Variants in GNAQ observed in about 807,000 individuals in gnomAD.
The protein encoded by GNAQ is G protein subunit alpha q, also known as guanine nucleotide-binding protein G(q) subunit alpha.
A neutral mutation model predicts 43.9 loss-of-function variants in GNAQ; 8 were observed. The ratio of observed to expected loss-of-function variants is 0.18; its 90% CI spans 0.11 to 0.33. The LOEUF (loss-of-function observed/expected upper bound fraction) is 0.33, where lower values mean the gene tolerates loss of function less well. Among genes scored for constraint, GNAQ ranks in the 10% least tolerant of loss-of-function variants. The probability of loss-of-function intolerance (pLI) is 1.00; values close to 1 mark genes in which losing one functional copy is unlikely to be tolerated. For missense variants in GNAQ, 158 were observed against 450.8 expected (o/e 0.35, Z 5.88); for synonymous variants, 155 against 170.7 (o/e 0.91, Z 0.71).
chr9:77,950,979 T>C (rs1448836503), intron 1 of GNAQ, among the ~76,000 whole-genome samples: 1 of 152,044 alleles, frequency 6.6e-6, no homozygotes, highest in Non-Finnish European at 1.5e-5. Context: ...CTACATTCTT[T>C]AGATAAGATT....
intron 1 of GNAQ, among the ~76,000 whole-genome samples, chr9:77,977,485 A>T (rs987332056): frequency 6.6e-6 from 1 of 152,168 alleles, no homozygotes; most frequent in Non-Finnish European, 1.5e-5. Context: ...CCATTGTTCA[A>T]CCCACAGGCA....
intron 1 of GNAQ, among the ~76,000 whole-genome samples, chr9:77,941,907 T>TACACACACACACACAC (rs10560776): frequency 5.0e-5 from 7 of 141,100 alleles, no homozygotes; most frequent in Admixed American, 2.1e-4. Flanking sequence ...ACAACATACA[T>TACACACACACACACAC]ACACACACAC....
rs80115594 is a variant in GNAQ at position 78,015,279 on chromosome 9, G to A, written c.136+15821C>T. ...AGGCTTTACCACATAGCCTATATGT[G>A]TGTTGTAGGCTATACAATCTAGATT... On this transcript the variant is annotated intron_variant, in intron 1 of 6. Transcript: ENST00000286548. Among the ~76,000 whole-genome samples, 532 of 152,278 alleles carry A rather than the reference G, an allele frequency of 3.5e-3. 2 individuals are homozygous for A. The highest frequency in any genetic ancestry group is 0.012 in the African/African-American group (513 of 41,548).
In GNAQ at chr9:77,717,635, C is replaced by T. The variant is rs1241843814; in HGVS notation, c.*3688G>A. 33 of 232,028 alleles carry T rather than the reference C, an allele frequency of 1.4e-4. No homozygotes were observed. Among genetic ancestry groups the T allele is most frequent in the East Asian group, 1.2e-3 (19 of 16,376 alleles). The allele number at this position is 232,028 out of a possible 1,614,324, so 14.4% of individuals were successfully genotyped here. On this transcript the variant is annotated 3_prime_UTR_variant, in exon 7 of 7. Coordinates refer to ENST00000286548, the MANE Select transcript of GNAQ (RefSeq NM_002072.5). Reference sequence around the variant, plus strand: ...CAGTATAAATTTTAAAATTACAGTTCGTACACTTTGACAATCAAGATAGTC... The same window carrying T: ...CAGTATAAATTTTAAAATTACAGTTTGTACACTTTGACAATCAAGATAGTC...
At chr9:77,881,461 C>T (rs1443210924) in intron 2 of GNAQ, among the ~76,000 whole-genome samples, 1 of 152,228 alleles carries the variant, frequency 6.6e-6, no homozygotes, top group Non-Finnish European at 1.5e-5. Context: ...TCACTGCAGC[C>T]TTGAACTCCT....
chr9:77,968,712 T>A (rs1329656302), intron 1 of GNAQ, among the ~76,000 whole-genome samples: 2 of 152,192 alleles, frequency 1.3e-5, no homozygotes, highest in African/African-American at 4.8e-5. Flanking sequence ...CCAAATTAAT[T>A]TTCGTAAGTG....
chr9:77,870,616 C>T (rs1182325459), intron 2 of GNAQ, among the ~76,000 whole-genome samples: 3 of 151,912 alleles, frequency 2.0e-5, no homozygotes, highest in East Asian at 1.9e-4. Context: ...TGAGCCACCG[C>T]GCCCCGCCTT....
chr9:77,718,713 ATGT>A lies in GNAQ; in HGVS notation c.*2607_*2609del, dbSNP rs1392813796. On this transcript the variant is annotated 3_prime_UTR_variant, in exon 7 of 7. Transcript: ENST00000286548. ...CTCTATACACACTGTAGGCCTTCAAATGTTGTTGTTTAATTTTTTTTTTTTTTT... is the reference window on the plus strand; with the variant it reads ...CTCTATACACACTGTAGGCCTTCAAATGTTGTTTAATTTTTTTTTTTTTTT... 11 of 176,168 alleles carry A rather than the reference ATGT, an allele frequency of 6.2e-5. No individual in the cohort carries two copies. The highest frequency in any genetic ancestry group is 1.9e-3 in the Middle Eastern group (1 of 528). 10.9% of individuals were successfully genotyped at this position (176,168 alleles called of 1,614,324 possible).
chr9:77,763,856 G>A (rs1826093354), intron 5 of GNAQ, among the ~76,000 whole-genome samples: 1 of 152,208 alleles, frequency 6.6e-6, no homozygotes, highest in Non-Finnish European at 1.5e-5. Flanking sequence ...AGCATGGCAA[G>A]CTGCTCTAGG....
At chr9:77,748,474 C>T (rs1041116262) in intron 5 of GNAQ, among the ~76,000 whole-genome samples, 1 of 152,230 alleles carries the variant, frequency 6.6e-6, no homozygotes, top group Non-Finnish European at 1.5e-5. Flanking sequence ...CTTTGTAGAG[C>T]TTGATGCCTT....
chr9:77,986,109 A>T (rs1048759409), intron 1 of GNAQ, among the ~76,000 whole-genome samples: 3 of 152,064 alleles, frequency 2.0e-5, no homozygotes, highest in Non-Finnish European at 4.4e-5. Flanking sequence ...CCACATCAAT[A>T]TTTGTTTATT....
In GNAQ at chr9:77,716,663, G is replaced by GT. The variant is rs1184753929; in HGVS notation, c.*4659dup. The GT allele has an allele frequency of 8.6e-6, 2 of 232,672 alleles. No individual in the cohort carries two copies. Among genetic ancestry groups the GT allele is most frequent in the African/African-American group, 4.4e-5 (2 of 45,292 alleles). 14.4% of individuals were successfully genotyped at this position (232,672 alleles called of 1,614,324 possible). ...ATGTTCTACCAACGAATACCTTTCT[G>GT]TTTTTTCTGTCTACCAAAAGCTTAT... On this transcript the variant is annotated 3_prime_UTR_variant, in exon 7 of 7. Transcript: ENST00000286548.
chr9:77,958,898 T>C (rs1478365049), intron 1 of GNAQ, among the ~76,000 whole-genome samples: 1 of 152,182 alleles, frequency 6.6e-6, no homozygotes, highest in Non-Finnish European at 1.5e-5. Flanking sequence ...CTCAATTCTT[T>C]CATGATTTTC....
intron 5 of GNAQ, among the ~76,000 whole-genome samples, chr9:77,761,223 G>A: frequency 6.9e-6 from 1 of 144,412 alleles, no homozygotes; most frequent in Admixed American, 6.7e-5. Flanking sequence ...GCCCCTACTG[G>A]GAAGTGAGGA....
chr9:78,004,101 C>T (rs186944566), intron 1 of GNAQ, among the ~76,000 whole-genome samples: 13 of 151,896 alleles, frequency 8.6e-5, no homozygotes, highest in Admixed American at 8.5e-4. Flanking sequence ...CAGGTATCTG[C>T]ACCTCGCTGC....
intron 5 of GNAQ, among the ~76,000 whole-genome samples, chr9:77,778,639 G>C (rs1350310320): frequency 6.6e-6 from 1 of 151,494 alleles, no homozygotes; most frequent in Non-Finnish European, 1.5e-5. Context: ...AGACAGAGAT[G>C]GCCAGAATGG....
intron 3 of GNAQ, among the ~76,000 whole-genome samples, chr9:77,799,209 T>A (rs186772924): frequency 6.6e-6 from 1 of 152,136 alleles, no homozygotes; most frequent in African/African-American, 2.4e-5. Flanking sequence ...ACAAAGTATA[T>A]GCACAAAGTA....
At chr9:77,907,665 C>G (rs911176077) in intron 2 of GNAQ, among the ~76,000 whole-genome samples, 6 of 152,108 alleles carry the variant, frequency 3.9e-5, no homozygotes, top group Non-Finnish European at 8.8e-5. Context: ...AAGGAGAAAT[C>G]AAATAGGTGG....
chr9:78,003,093 A>C (rs191997016), intron 1 of GNAQ, among the ~76,000 whole-genome samples: 4 of 152,354 alleles, frequency 2.6e-5, no homozygotes, highest in Admixed American at 2.6e-4. Context: ...AATGTAGAGG[A>C]AATTTAGCAA....
Sources: allele counts gnomAD v4.1 joint callset (sites outside exome capture counted in the v4.1 genomes callset), GRCh38; gene constraint gnomAD v4.1.1; transcripts MANE v1.5; gene names NCBI Gene and HGNC (gene_info 2026-07-23, HGNC 2026-07-21).